KLHL1: variants seen among roughly 807,000 people sequenced by gnomAD.
The protein encoded by KLHL1 is kelch-like protein 1.
KLHL1 carries 47 observed loss-of-function variants against 77.7 expected under a neutral mutation model. The observed-to-expected ratio is 0.60, with a 90% confidence interval of 0.48 to 0.77. The LOEUF (loss-of-function observed/expected upper bound fraction) is 0.77, where lower values mean the gene tolerates loss of function less well. Among genes scored for constraint, KLHL1 ranks in the 30% least tolerant of loss-of-function variants. The probability of loss-of-function intolerance (pLI) is 0.00; values close to 1 mark genes in which losing one functional copy is unlikely to be tolerated. For missense variants in KLHL1, 925 were observed against 910.8 expected, an observed-to-expected ratio of 1.02 and a Z score of -0.20; for synonymous variants, 360 against 325.2, an observed-to-expected ratio of 1.11 and a Z score of -1.15.
chr13:69,754,892 C>T (rs774207182), intron 7 of KLHL1, among the ~76,000 whole-genome samples: 1 of 152,124 alleles, frequency 6.6e-6, no homozygotes, highest in Admixed American at 6.6e-5. Flanking sequence ...TTCCACTGTT[C>T]TTTCAGATCT....
chr13:70,037,801 T>C (rs191478180), intron 1 of KLHL1, among the ~76,000 whole-genome samples: 1 of 152,298 alleles, frequency 6.6e-6, no homozygotes, highest in East Asian at 1.9e-4. Context: ...ACTTCAATTA[T>C]TTTCTTCACT....
chr13:69,917,088 A>G (rs2138256372), intron 4 of KLHL1, among the ~76,000 whole-genome samples: 1 of 152,198 alleles, frequency 6.6e-6, no homozygotes, highest in African/African-American at 2.4e-5. Flanking sequence ...ATAAATATAT[A>G]TGTATGCATA....
chr13:69,911,143 TTTAA>T (rs1223372655), intron 4 of KLHL1, among the ~76,000 whole-genome samples: 1 of 152,108 alleles, frequency 6.6e-6, no homozygotes, highest in African/African-American at 2.4e-5. Context: ...CCTCTTTCTC[TTTAA>T]TTCTTATTTT....
At chr13:69,967,943 C>T (rs2137279822) in intron 2 of KLHL1, among the ~76,000 whole-genome samples, 1 of 151,470 alleles carries the variant, frequency 6.6e-6, no homozygotes, top group African/African-American at 2.4e-5. Context: ...GACAGAGCAG[C>T]AGTAGGGTTG....
At chr13:69,780,262 G>T (rs1357425139) in intron 7 of KLHL1, among the ~76,000 whole-genome samples, 1 of 151,926 alleles carries the variant, frequency 6.6e-6, no homozygotes, top group African/African-American at 2.4e-5. Context: ...CCTTTTTGTT[G>T]TTTTCACTGT....
intron 6 of KLHL1, among the ~76,000 whole-genome samples, chr13:69,816,312 G>C (rs1453547043): frequency 6.7e-6 from 1 of 150,298 alleles, no homozygotes; most frequent in East Asian, 2.0e-4. Flanking sequence ...CCAGGCTGGA[G>C]TGCAGTAGCA....
At chr13:69,862,031 A>G (rs552535594) in intron 5 of KLHL1, among the ~76,000 whole-genome samples, 1 of 150,454 alleles carries the variant, frequency 6.6e-6, no homozygotes, top group African/African-American at 2.4e-5. Context: ...AAAAGCAAAT[A>G]CTTGAAGTTG....
At chr13:69,883,013 C>G (rs192020785) in intron 4 of KLHL1, among the ~76,000 whole-genome samples, 1 of 152,198 alleles carries the variant, frequency 6.6e-6, no homozygotes, top group Admixed American at 6.5e-5. Context: ...TATCTCTTAT[C>G]ATTCCCTCCT....
Position 69,701,447 on chromosome 13 carries a change from T to C in KLHL1, c.*255A>G, listed in dbSNP as rs1419024692. Reference sequence around the variant, plus strand: ...TGGTAACTCTAGTTATTGTATGCTATAATACAAAACAAATTACCAATAACC... The same window carrying C: ...TGGTAACTCTAGTTATTGTATGCTACAATACAAAACAAATTACCAATAACC... On this transcript the variant is annotated 3_prime_UTR_variant, in exon 11 of 11. Coordinates refer to ENST00000377844, the MANE Select transcript of KLHL1 (RefSeq NM_020866.3). The C allele has an allele frequency of 2.6e-6, 1 of 386,812 alleles. No individual in the cohort carries two copies. The highest frequency in any genetic ancestry group is 2.1e-5 in the African/African-American group (1 of 46,892). 24.0% of individuals were successfully genotyped at this position (386,812 alleles called of 1,614,324 possible).
At chr13:69,810,724 A>T (rs1877840346) in intron 6 of KLHL1, among the ~76,000 whole-genome samples, 1 of 152,034 alleles carries the variant, frequency 6.6e-6, no homozygotes, top group African/African-American at 2.4e-5. Context: ...AATCAATGAA[A>T]CTAAAAGTTG....
intron 6 of KLHL1, among the ~76,000 whole-genome samples, chr13:69,822,898 T>G (rs2138080841): frequency 6.6e-6 from 1 of 152,256 alleles, no homozygotes; most frequent in Admixed American, 6.5e-5. Flanking sequence ...TATAGTGGGT[T>G]TAAAATATAC....
chr13:69,893,233 T>TC (rs1221514388), intron 4 of KLHL1, among the ~76,000 whole-genome samples: 2 of 150,608 alleles, frequency 1.3e-5, no homozygotes, highest in Non-Finnish European at 3.0e-5. Context: ...TAAATTTTTT[T>TC]TTTTTTTTTT....
chr13:69,988,645 A>G (rs973036163), intron 1 of KLHL1, among the ~76,000 whole-genome samples: 1 of 152,088 alleles, frequency 6.6e-6, no homozygotes, highest in Non-Finnish European at 1.5e-5. Context: ...CTTTTTAATA[A>G]TAGCCATTCT....
At chr13:69,948,499 A>C (rs1408084546) in intron 3 of KLHL1, among the ~76,000 whole-genome samples, 1 of 151,988 alleles carries the variant, frequency 6.6e-6, no homozygotes, top group South Asian at 2.1e-4. Flanking sequence ...TGGGGGACTA[A>C]ACGGGGAATA....
At position 70,039,637 on chromosome 13, in the gene KLHL1, C is replaced by CTT. The variant is rs773600359; in HGVS notation, c.498-63837_498-63836dup. On this transcript the variant is annotated intron_variant, in intron 1 of 10. Transcript: ENST00000377844. Reference sequence around the variant, plus strand: ...ACTGCCTGCCTTTGGATTCCTTGAACTTTTTTTTTTTTTTTTTTTTGAGAC... The same window carrying CTT: ...ACTGCCTGCCTTTGGATTCCTTGAACTTTTTTTTTTTTTTTTTTTTTTGAGAC... 2.5e-3 allele frequency among the ~76,000 whole-genome samples: 310 copies of CTT among 125,470 alleles called. 3 individuals are homozygous for CTT. Among genetic ancestry groups the CTT allele is most frequent in the African/African-American group, 7.7e-3 (256 of 33,130 alleles). 82.3% of individuals were successfully genotyped at this position (125,470 alleles called of 152,430 possible). A position where few individuals can be genotyped will look rare whatever the true frequency, so the allele number is the denominator to read the frequency against.
At chr13:69,993,091 T>C (rs1175173722) in intron 1 of KLHL1, among the ~76,000 whole-genome samples, 1 of 152,072 alleles carries the variant, frequency 6.6e-6, no homozygotes, top group Non-Finnish European at 1.5e-5. Flanking sequence ...ATATATAATT[T>C]TTCAATCTTA....
chr13:69,977,504 A>G (rs1035881388), intron 1 of KLHL1, among the ~76,000 whole-genome samples: 4 of 152,134 alleles, frequency 2.6e-5, no homozygotes, highest in Non-Finnish European at 5.9e-5. Flanking sequence ...AAAACGGTAA[A>G]ATTATAATAT....
At position 69,764,982 on chromosome 13, in the gene KLHL1, C is replaced by T. The variant is rs113541851; in HGVS notation, c.1640-24426G>A. Among the ~76,000 whole-genome samples the T allele has an allele frequency of 6.1e-4, 50 of 81,520 alleles. 1 individual carries two copies. Among genetic ancestry groups the T allele is most frequent in the South Asian group, 2.3e-3 (5 of 2,200 alleles). The allele number at this position is 81,520 out of a possible 152,430, so 53.5% of individuals were successfully genotyped here. ...TTTTTTTTTTTTTGAGACCAAGTCT[C>T]GCTTTGTCGCCCAGGCTGGAGTGCA... On this transcript the variant is annotated intron_variant, in intron 7 of 10. Transcript: ENST00000377844.
chr13:70,075,168 T>G (rs912370526), intron 1 of KLHL1, among the ~76,000 whole-genome samples: 2 of 151,878 alleles, frequency 1.3e-5, no homozygotes, highest in Non-Finnish European at 2.9e-5. Context: ...ACTCTCTTCA[T>G]AGGGAAGAGA....
Sources: allele counts gnomAD v4.1 joint callset (sites outside exome capture counted in the v4.1 genomes callset), GRCh38; gene constraint gnomAD v4.1.1; transcripts MANE v1.5; gene names NCBI Gene and HGNC (gene_info 2026-07-23, HGNC 2026-07-21).